Variants in HMBOX1 observed in about 807,000 individuals in gnomAD.
HMBOX1 encodes the protein homeobox-containing protein 1.
Under a neutral mutation model 54.5 loss-of-function variants are expected in HMBOX1, and 14 were observed. The observed-to-expected ratio is 0.26, with a 90% CI of 0.17 to 0.40. The LOEUF (loss-of-function observed/expected upper bound fraction) is 0.40. Ranked by LOEUF, HMBOX1 falls within the 10% of genes least tolerant of loss-of-function variation. The pLI, the probability that HMBOX1 is intolerant of heterozygous loss-of-function variation, is 1.00. For missense variants in HMBOX1, 332 were observed against 514.4 expected (o/e 0.65, Z 3.43); for synonymous variants, 160 against 181.0 (o/e 0.88, Z 0.93).
intron 4 of HMBOX1, among the ~76,000 whole-genome samples, chr8:29,008,521 A>G (rs1405959117): frequency 6.6e-6 from 1 of 152,140 alleles, no homozygotes; most frequent in African/African-American, 2.4e-5. Context: ...ACTAATGGTA[A>G]TGACTCTAAA....
chr8:28,920,941 A>G (rs1817454233), intron 1 of HMBOX1, among the ~76,000 whole-genome samples: 1 of 152,266 alleles, frequency 6.6e-6, no homozygotes, highest in Non-Finnish European at 1.5e-5. Context: ...GAAAACTTTT[A>G]TGGATTCCAG....
intron 1 of HMBOX1, among the ~76,000 whole-genome samples, chr8:28,933,076 T>C (rs1320614696): frequency 1.3e-5 from 2 of 152,184 alleles, no homozygotes; most frequent in Non-Finnish European, 2.9e-5. Context: ...GATCCTGTAC[T>C]CTTTTTTTTT....
chr8:28,945,948 T>C (rs1300603733), intron 1 of HMBOX1, among the ~76,000 whole-genome samples: 1 of 150,898 alleles, frequency 6.6e-6, no homozygotes, highest in East Asian at 2.0e-4. Context: ...CATATTCTTT[T>C]TTTTTTTTTT....
chr8:28,912,924 A>G (rs1168615591), intron 1 of HMBOX1, among the ~76,000 whole-genome samples: 1 of 152,180 alleles, frequency 6.6e-6, no homozygotes, highest in African/African-American at 2.4e-5. Context: ...CTCCACTTCT[A>G]GTATTGCTTA....
intron 1 of HMBOX1, among the ~76,000 whole-genome samples, chr8:28,948,223 C>T (rs1298866196): frequency 6.6e-6 from 1 of 152,178 alleles, no homozygotes; most frequent in Non-Finnish European, 1.5e-5. Context: ...CTCCATTGTA[C>T]TTATCATGAC....
intron 6 of HMBOX1, among the ~76,000 whole-genome samples, chr8:29,021,445 A>G (rs921746856): frequency 2.0e-5 from 3 of 151,226 alleles, no homozygotes; most frequent in African/African-American, 7.3e-5. Flanking sequence ...GACAAATTGG[A>G]AAAAAAAATT....
chr8:29,008,933 T>G, intron 4 of HMBOX1, 139 bp from the exon 5 acceptor site: 1 of 590,282 alleles, frequency 1.7e-6, no homozygotes, highest in East Asian at 2.9e-5. Context: ...AGGAATCCAA[T>G]AATAGTTTGC....
chr8:29,000,312 G>A (rs567853371), intron 4 of HMBOX1, among the ~76,000 whole-genome samples: 1 of 152,278 alleles, frequency 6.6e-6, no homozygotes, highest in South Asian at 2.1e-4. Flanking sequence ...AGGTCTCAAG[G>A]TCAGCCAGAG....
At chr8:28,891,999 C>G (rs917790830) in intron 1 of HMBOX1, among the ~76,000 whole-genome samples, 1 of 152,018 alleles carries the variant, frequency 6.6e-6, no homozygotes, top group African/African-American at 2.4e-5. Flanking sequence ...CCTATCCTCC[C>G]TCCTTCCTTC....
chr8:29,024,686 G>A (rs377555492), intron 6 of HMBOX1, among the ~76,000 whole-genome samples: 10 of 152,170 alleles, frequency 6.6e-5, no homozygotes, highest in African/African-American at 2.2e-4. Flanking sequence ...ATAATTATAC[G>A]AAATTATTTT....
At chr8:28,976,700 C>CTTTTTTTTT (rs1301588694) in intron 3 of HMBOX1, among the ~76,000 whole-genome samples, 1 of 147,144 alleles carries the variant, frequency 6.8e-6, no homozygotes, top group Non-Finnish European at 1.5e-5. Flanking sequence ...CTTTTCTTTT[C>CTTTTTTTTT]TTTTTTTTCT....
At chr8:29,031,699 T>C (rs1802991819) in intron 6 of HMBOX1, among the ~76,000 whole-genome samples, 2 of 152,192 alleles carry the variant, frequency 1.3e-5, no homozygotes, top group Non-Finnish European at 2.9e-5. Context: ...TACTTTGGTA[T>C]GGCTTTAGGA....
At chr8:28,935,234 T>C (rs1050904557) in intron 1 of HMBOX1, among the ~76,000 whole-genome samples, 4 of 152,174 alleles carry the variant, frequency 2.6e-5, no homozygotes, top group African/African-American at 9.7e-5. Flanking sequence ...CTCAATCAAA[T>C]CCCTGGGAGG....
chr8:29,017,380 A>G (rs1161997996), intron 5 of HMBOX1, among the ~76,000 whole-genome samples: 2 of 152,230 alleles, frequency 1.3e-5, no homozygotes, highest in East Asian at 1.9e-4. Flanking sequence ...ACTGGCCCAG[A>G]TTCAAGGGCA....
intron 4 of HMBOX1, among the ~76,000 whole-genome samples, chr8:29,007,243 C>G (rs1833591795): frequency 6.6e-6 from 1 of 151,708 alleles, no homozygotes; most frequent in African/African-American, 2.4e-5. Flanking sequence ...GAACCGAGAT[C>G]ACGCCACTGC....
chr8:28,912,523 A>G (rs1269516431), intron 1 of HMBOX1, among the ~76,000 whole-genome samples: 2 of 152,162 alleles, frequency 1.3e-5, no homozygotes, highest in African/African-American at 4.8e-5. Flanking sequence ...ATTAATCTCC[A>G]AAACTCTTTT....
intron 3 of HMBOX1, among the ~76,000 whole-genome samples, 178 bp from the exon 4 acceptor site, chr8:28,979,893 A>T (rs995069254): frequency 6.6e-6 from 1 of 152,116 alleles, no homozygotes; most frequent in African/African-American, 2.4e-5. Flanking sequence ...GGACTTGAAT[A>T]TTTGGTGTTT....
intron 1 of HMBOX1, among the ~76,000 whole-genome samples, chr8:28,933,442 G>C (rs1032335198): frequency 6.6e-6 from 1 of 152,128 alleles, no homozygotes; most frequent in Non-Finnish European, 1.5e-5. Flanking sequence ...AGTAAACAGA[G>C]GGAGTTAAAT....
chr8:28,902,754 C>T lies in HMBOX1; in HGVS notation c.-58+12076C>T, dbSNP rs145276763. Among the ~76,000 whole-genome samples, 41 of 115,386 alleles carry T rather than the reference C, an allele frequency of 3.6e-4. 1 individual carries two copies. Among genetic ancestry groups the T allele is most frequent in the African/African-American group, 1.1e-3 (37 of 32,746 alleles). 75.7% of individuals were successfully genotyped at this position (115,386 alleles called of 152,430 possible). ...GATTACTTCCAGAGCATTCTACTCA[C>T]GAAGGCAGTCATGCAGGCCTGCCTG... On this transcript the variant is annotated intron_variant, in intron 1 of 9. Transcript: ENST00000287701.
Sources: gnomAD v4.1 joint callset for allele counts (sites outside exome capture counted in the v4.1 genomes callset) on GRCh38, gnomAD v4.1.1 for gene constraint, MANE v1.5 for transcripts, NCBI Gene and HGNC (gene_info 2026-07-23, HGNC 2026-07-21) for gene names.